The following ARMC5 variants were observed in gnomAD, a reference collection of about 807,000 sequenced individuals.
ARMC5 encodes armadillo repeat-containing protein 5.
Under a neutral mutation model 60.5 loss-of-function variants are expected in ARMC5, and 28 were observed. The ratio of observed to expected loss-of-function variants is 0.46; its 90% CI spans 0.34 to 0.63. The LOEUF is 0.63. ARMC5 is among the 30% of genes least tolerant of loss of function. The pLI is 0.01. For missense variants in ARMC5, 1,189 were observed against 1,304.9 expected, an observed-to-expected ratio of 0.91 and a Z score of 1.37; for synonymous variants, 680 against 607.3, an observed-to-expected ratio of 1.12 and a Z score of -1.76.
upstream of ARMC5, chr16:31,459,375 C>CG (rs796637199): frequency 1.4e-5 from 21 of 1,536,536 alleles, no homozygotes; most frequent in African/African-American, 2.3e-4. Context: ...GACAGACTTC[C>CG]GGGGTCGAGA....
rs1176518028 is a variant in ARMC5, at chr16:31,464,341, G to T, written c.1371-53G>T. 9.0e-7 allele frequency: 1 copy of T among 1,109,380 alleles called. No individual in the cohort carries two copies. Among genetic ancestry groups the T allele is most frequent in the Non-Finnish European group, 1.3e-6 (1 of 798,798 alleles). 68.7% of individuals were successfully genotyped at this position (1,109,380 alleles called of 1,614,324 possible). On this transcript the variant is annotated intron_variant, in intron 3 of 5. Coordinates refer to ENST00000268314, the MANE Select transcript of ARMC5 (RefSeq NM_001105247.2). This position sits in a 1 kb window ranked among gnomAD's most constrained non-coding sequence, Gnocchi z 7.6. Reference sequence around the variant, plus strand: ...AGACGCCTCACGCCTCTTGGACTCTGCCCCTTAACCTTGGCTCTGGGTTCA... The same window carrying T: ...AGACGCCTCACGCCTCTTGGACTCTTCCCCTTAACCTTGGCTCTGGGTTCA...
At position 31,466,856 on chromosome 16, in the gene ARMC5, G is replaced by A. The variant is rs769622918; in HGVS notation, c.2775G>A (p.Met925Ile). The change falls in exon 6 of 6, where the codon ATG becomes ATA. Residue 925 changes from methionine (M) to isoleucine (I), a missense_variant. Coordinates refer to ENST00000268314, the MANE Select transcript of ARMC5 (RefSeq NM_001105247.2). The surrounding 1 kb of genome is among the most constrained non-coding windows in gnomAD (Gnocchi z 8.0). ...PLTEALLAVV[M>I]GIELGARVPA ...CGGAGGCTTTGCTGGCTGTGGTGAT[G>A]GGGATTGAGTTGGGGGCAAGGGTCC... 6.3e-6 allele frequency: 10 copies of A among 1,588,406 alleles called. No homozygotes were observed. The highest frequency in any genetic ancestry group is 4.5e-5 in the East Asian group (2 of 44,760).
At position 31,459,594 on chromosome 16, in the gene ARMC5, G is replaced by C; in HGVS notation, c.70G>C (p.Gly24Arg). The change falls in exon 1 of 6, where the codon GGG (glycine) becomes CGG (arginine). Residue 24 changes from glycine (G) to arginine (R), a missense_variant. Gly to Arg is a moderately radical substitution (Grantham distance 125, BLOSUM62 -2). Transcript: ENST00000268314. ...CCTCGCGCAGCTCGCGGCGGCGGCC[G>C]GGGAGGCTCTGGGTGGGGAAAAGGA... ...FCLAQLAAAA[G>R]EALGGEKDPA... 1.2e-6 allele frequency: 2 copies of C among 1,601,876 alleles called. No homozygotes were observed. The highest frequency in any genetic ancestry group is 8.5e-7 in the Non-Finnish European group (1 of 1,179,384).
intron 3 of ARMC5, among the ~76,000 whole-genome samples, chr16:31,463,626 T>G (rs867093317): frequency 1.3e-5 from 2 of 152,256 alleles, no homozygotes; most frequent in Middle Eastern, 3.4e-3. Context: ...CAGGCTGGTC[T>G]TGAACTCTTG....
At chr16:31,463,270 T>C (rs2082321223) in intron 3 of ARMC5, among the ~76,000 whole-genome samples, 1 of 152,116 alleles carries the variant, frequency 6.6e-6, no homozygotes, top group African/African-American at 2.4e-5. Flanking sequence ...AGCTAATTTT[T>C]GTATTTTTAA....
chr16:31,465,704 TC>T, intron 4 of ARMC5, 145 bp from the exon 5 acceptor site: 1 of 1,472,598 alleles, frequency 6.8e-7, no homozygotes, highest in Non-Finnish European at 8.9e-7. Flanking sequence ...GTTCCCAGCG[TC>T]CCGAGCCCAG....
Position 31,462,321 on chromosome 16 carries a change from C to A in ARMC5, c.774C>A (p.Leu258=), listed in dbSNP as rs374005042. 1.2e-6 allele frequency: 2 copies of A among 1,610,672 alleles called. No homozygotes were observed. Among genetic ancestry groups the A allele is most frequent in the Admixed American group, 3.3e-5 (2 of 60,000 alleles). ...CAGATGCTGCACTGACCTTAGCCCTCGTCCGTGCCCTCCTGGAACTCAGCC... is the reference window on the plus strand; with the variant it reads ...CAGATGCTGCACTGACCTTAGCCCTAGTCCGTGCCCTCCTGGAACTCAGCC... ...TAPDAALTLA[L]VRALLELSRG... Residue 258 remains leucine (L), a synonymous_variant, in exon 3 of 6, where the codon CTC becomes CTA. Coordinates refer to ENST00000268314, the MANE Select transcript of ARMC5 (RefSeq NM_001105247.2). The surrounding 1 kb of genome is among the most constrained non-coding windows in gnomAD (Gnocchi z 7.2).
chr16:31,461,042 T>C (rs1174545695), intron 1 of ARMC5, among the ~76,000 whole-genome samples: 1 of 152,256 alleles, frequency 6.6e-6, no homozygotes, highest in African/African-American at 2.4e-5. Flanking sequence ...GGTTATTAAA[T>C]AACCCCCATC....
rs1416638138 is a variant in ARMC5, at chr16:31,464,516, T to C, written c.1493T>C (p.Leu498Pro). The C allele has an allele frequency of 6.2e-7, 1 of 1,604,034 alleles. No individual in the cohort carries two copies. The highest frequency in any genetic ancestry group is 2.2e-5 in the East Asian group (1 of 44,538). Reference sequence around the variant, plus strand: ...AGCCCCGCCCCGACCCCGACCTCGCTGCGGGCACCACGCACCCAACGCACT... The same window carrying C: ...AGCCCCGCCCCGACCCCGACCTCGCCGCGGGCACCACGCACCCAACGCACT... ...PASPAPTPTS[L>P]RAPRTQRTPG... is the part of the protein sequence containing the mutation. Residue 498 changes from leucine to proline, a missense_variant, in exon 4 of 6, where the codon CTG becomes CCG. Around this residue, in one of 2 missense-constraint regions of ARMC5, gnomAD observed 862 missense variants for 1,071.2 expected, o/e 0.80. Coordinates refer to ENST00000268314, the MANE Select transcript of ARMC5 (RefSeq NM_001105247.2). This position sits in a 1 kb window ranked among gnomAD's most constrained non-coding sequence, Gnocchi z 7.6.
chr16:31,458,746 C>A (rs1254052656), upstream of ARMC5: 5 of 1,477,596 alleles, frequency 3.4e-6, no homozygotes, highest in Non-Finnish European at 4.5e-6. Flanking sequence ...GGGGGCTCCC[C>A]GGGACGCGAA....
In ARMC5 at chr16:31,459,604, T is replaced by C. The variant is rs753738233; in HGVS notation, c.80T>C (p.Leu27Pro). 1.2e-6 allele frequency: 2 copies of C among 1,600,492 alleles called. No homozygotes were observed. Among genetic ancestry groups the C allele is most frequent in the South Asian group, 2.2e-5 (2 of 90,776 alleles). Reference protein sequence around the residue: ...AQLAAAAGEALGGEKDPATNE... With the variant: ...AQLAAAAGEAPGGEKDPATNE... ...CTCGCGGCGGCGGCCGGGGAGGCTC[T>C]GGGTGGGGAAAAGGACCCAGCGACC... The change falls in exon 1 of 6, where the codon CTG (leucine) becomes CCG (proline). Residue 27 changes from leucine (L) to proline (P), a missense_variant. Transcript: ENST00000268314.
chr16:31,459,861 G>C lies in ARMC5; in HGVS notation c.337G>C (p.Ala113Pro). The C allele has an allele frequency of 1.3e-6, 2 of 1,599,834 alleles. No individual in the cohort carries two copies. The highest frequency in any genetic ancestry group is 1.7e-6 in the Non-Finnish European group (2 of 1,178,226). The part of the protein sequence containing the change: ...PAPASGPAPS[A>P]VSSSSPTPPV... ...CCCCGCGTCGGGCCCCGCCCCCTCC[G>C]CTGTGTCGTCGTCTAGTCCTACGCC... The change falls in exon 1 of 6, where the codon GCT becomes CCT. Residue 113 changes from alanine (A) to proline (P), a missense_variant. By Grantham distance (27) the Ala-to-Pro change is conservative (BLOSUM62 -1). Transcript: ENST00000268314.
upstream of ARMC5, chr16:31,458,958 G>C (rs2082271934): frequency 6.5e-7 from 1 of 1,535,532 alleles, no homozygotes; most frequent in Non-Finnish European, 8.7e-7. Flanking sequence ...ACTCTAGGAA[G>C]CGGCAGCGAA....
chr16:31,458,493 C>T, upstream of ARMC5: 1 of 1,535,742 alleles, frequency 6.5e-7, no homozygotes, highest in Non-Finnish European at 8.7e-7. Flanking sequence ...TGCCATAACC[C>T]GGACAACGGT....
chr16:31,459,456 C>T (rs2082278512), upstream of ARMC5: 3 of 1,552,156 alleles, frequency 1.9e-6, no homozygotes, highest in African/African-American at 1.4e-5. Context: ...CGACGATTTC[C>T]CTGTCTTCCA....
At chr16:31,459,186 C>G (rs1209265888), upstream of ARMC5, 3 of 1,521,382 alleles carry the variant, frequency 2.0e-6, no homozygotes, top group Non-Finnish European at 2.6e-6. Flanking sequence ...CACGAAGGCT[C>G]CGTGGTCGGA....
chr16:31,465,044 T>A, intron 4 of ARMC5, 157 bp downstream of exon 4: 1 of 1,613,672 alleles, frequency 6.2e-7, no homozygotes, highest in Non-Finnish European at 8.5e-7. Flanking sequence ...GAGCAGGGCG[T>A]TCCAGTCCCT....
chr16:31,464,926 G>A lies in ARMC5; in HGVS notation c.1864+39G>A. 3 of 1,610,968 alleles carry A rather than the reference G, an allele frequency of 1.9e-6. No individual in the cohort carries two copies. The highest frequency in any genetic ancestry group is 2.5e-6 in the Non-Finnish European group (3 of 1,179,438). On this transcript the variant is annotated intron_variant, in intron 4 of 5. Coordinates refer to ENST00000268314, the MANE Select transcript of ARMC5 (RefSeq NM_001105247.2). This position sits in a 1 kb window ranked among gnomAD's most constrained non-coding sequence, Gnocchi z 7.6. Reference sequence around the variant, plus strand: ...CCCACCCGTCTCCTTGCCCCCATGTGAGTCCCCATCCTCCCCCATGGCTTC... The same window carrying A: ...CCCACCCGTCTCCTTGCCCCCATGTAAGTCCCCATCCTCCCCCATGGCTTC...
In ARMC5 at chr16:31,464,292, TAAAAAAAAAAAAAA is replaced by T. The variant is rs537788230; in HGVS notation, c.1371-91_1371-78del. 10 of 499,412 alleles carry T rather than the reference TAAAAAAAAAAAAAA, an allele frequency of 2.0e-5. No individual in the cohort carries two copies. The East Asian group carries it at 4.0e-4, about 20-fold the overall frequency. The allele number at this position is 499,412 out of a possible 1,614,324, so 30.9% of individuals were successfully genotyped here. On this transcript the variant is annotated intron_variant, in intron 3 of 5. Transcript: ENST00000268314. The surrounding 1 kb of genome is among the most constrained non-coding windows in gnomAD (Gnocchi z 7.6). Reference sequence around the variant, plus strand: ...GCTATAGAGGGATACCACATTTCTTTAAAAAAAAAAAAAAAAAAAAAAAAGACGCCTCACGCCTC... The same window carrying T: ...GCTATAGAGGGATACCACATTTCTTTAAAAAAAAAAGACGCCTCACGCCTC...
Sources: gnomAD v4.1 joint callset for allele counts (sites outside exome capture counted in the v4.1 genomes callset) on GRCh38, gnomAD v4.1.1 for gene constraint, gnomAD v4.1.1 regional missense constraint, Gnocchi (gnomAD v3.1) non-coding constraint, MANE v1.5 for transcripts, NCBI Gene and HGNC (gene_info 2026-07-23, HGNC 2026-07-21) for gene names.